Variants in ARFGEF1 observed in about 807,000 individuals in gnomAD.
ARFGEF1 encodes the protein ARF guanine nucleotide exchange factor 1.
Under a neutral mutation model 231.0 loss-of-function variants are expected in ARFGEF1, and 42 were observed. The observed-to-expected ratio is 0.18, with a 90% confidence interval of 0.14 to 0.24. The LOEUF (loss-of-function observed/expected upper bound fraction) is 0.24. Among genes scored for constraint, ARFGEF1 ranks in the 10% least tolerant of loss-of-function variants. The probability of loss-of-function intolerance (pLI) is 1.00; values close to 1 mark genes in which losing one functional copy is unlikely to be tolerated. For synonymous variants in ARFGEF1, 710 were observed against 732.3 expected (o/e 0.97, Z 0.49); for missense variants, 1,345 against 2,192.0 (o/e 0.61, Z 7.72).
At chr8:67,197,519 G>T, downstream of ARFGEF1, 2 of 653,626 alleles carry the variant, frequency 3.1e-6, no homozygotes, top group Non-Finnish European at 3.8e-6. Flanking sequence ...GTGTAAGGAG[G>T]ATCTAATGCT....
At chr8:67,193,139 G>GAGAT (rs1836874649), downstream of ARFGEF1, among the ~76,000 whole-genome samples, 3 of 150,712 alleles carry the variant, frequency 2.0e-5, no homozygotes, top group South Asian at 6.3e-4. Flanking sequence ...CTTTTTTTTT[G>GAGAT]AGATAGAGTC....
intron 28 of ARFGEF1, among the ~76,000 whole-genome samples, chr8:67,225,272 C>T (rs1035487211): frequency 6.6e-6 from 1 of 152,216 alleles, no homozygotes; most frequent in African/African-American, 2.4e-5. Context: ...GTTAGCTTCA[C>T]TTTCAACTGT....
At chr8:67,214,294 TA>T (rs535640235) in intron 33 of ARFGEF1, among the ~76,000 whole-genome samples, 188 of 152,322 alleles carry the variant, frequency 1.2e-3, no homozygotes, top group Non-Finnish European at 2.1e-3. Context: ...ATCCTTGTTG[TA>T]AAGTGGCAGA....
intron 29 of ARFGEF1, among the ~76,000 whole-genome samples, chr8:67,222,212 C>CACAT (rs1213028578): frequency 4.2e-5 from 5 of 117,896 alleles, no homozygotes; most frequent in African/African-American, 1.1e-4. Context: ...TATACACACA[C>CACAT]ATATATATAT....
At chr8:67,204,026 G>C (rs186426253) in intron 35 of ARFGEF1, among the ~76,000 whole-genome samples, 1 of 152,222 alleles carries the variant, frequency 6.6e-6, no homozygotes, top group African/African-American at 2.4e-5. Context: ...CTCCCTACTG[G>C]AAAGCTCTTA....
rs754321628 is a variant in ARFGEF1, at chr8:67,291,837, A to C, written c.916+10T>G. On this transcript the variant is annotated intron_variant, in intron 6 of 38. Transcript: ENST00000262215. ...ACACACACCCCAAACCCCCTTTTCA[A>C]GAAGATTACTTTCAGCTGCAGTTGC... 6.2e-7 allele frequency: 1 copy of C among 1,610,612 alleles called. No homozygotes were observed. Among genetic ancestry groups the C allele is most frequent in the Non-Finnish European group, 8.5e-7 (1 of 1,177,710 alleles).
rs1166630342 is a variant in ARFGEF1 at position 67,219,578 on chromosome 8, A to G, written c.4209-18T>C. 6.4e-7 allele frequency: 1 copy of G among 1,572,862 alleles called. No individual in the cohort carries two copies. Among genetic ancestry groups the G allele is most frequent in the Admixed American group, 1.9e-5 (1 of 53,468 alleles). On this transcript the variant is annotated intron_variant, in intron 29 of 38. Transcript: ENST00000262215. ...TTAAACCCCTAAAATGACAAAACAC[A>G]ATTAGAAAGCTGTAATACAAAAAAG...
intron 5 of ARFGEF1, among the ~76,000 whole-genome samples, chr8:67,187,221 C>G (rs1412497344): frequency 6.6e-6 from 1 of 152,142 alleles, no homozygotes; most frequent in Non-Finnish European, 1.5e-5. Context: ...CAAACTGATT[C>G]TAAAGTTCAT....
intron 1 of ARFGEF1, among the ~76,000 whole-genome samples, chr8:67,312,936 A>G (rs1158837795): frequency 6.6e-6 from 1 of 152,256 alleles, no homozygotes; most frequent in Non-Finnish European, 1.5e-5. Context: ...AAACTCCAGC[A>G]GAACAATCAA....
chr8:67,278,346 GTC>G (rs1278402443), intron 7 of ARFGEF1, among the ~76,000 whole-genome samples: 1 of 152,064 alleles, frequency 6.6e-6, no homozygotes, highest in East Asian at 1.9e-4. Context: ...AAATAATGAG[GTC>G]TATGAGGAAC....
At chr8:67,302,849 AG>A in intron 1 of ARFGEF1, among the ~76,000 whole-genome samples, 1 of 148,058 alleles carries the variant, frequency 6.8e-6, no homozygotes, top group South Asian at 2.2e-4. Context: ...CCAACGCAGG[AG>A]GATCACTTGA....
chr8:67,293,766 C>T (rs115840792), intron 5 of ARFGEF1, among the ~76,000 whole-genome samples: 4 of 152,094 alleles, frequency 2.6e-5, no homozygotes, highest in East Asian at 1.9e-4. Flanking sequence ...CCGGTGTGAC[C>T]GCTTCTGATT....
intron 5 of ARFGEF1, among the ~76,000 whole-genome samples, chr8:67,292,906 TA>T (rs1329636477): frequency 6.6e-6 from 1 of 152,182 alleles, no homozygotes; most frequent in Non-Finnish European, 1.5e-5. Context: ...GAACATTTCA[TA>T]TTCTCCAGTA....
intron 33 of ARFGEF1, among the ~76,000 whole-genome samples, chr8:67,213,095 G>C (rs1838807889): frequency 6.6e-6 from 1 of 152,180 alleles, no homozygotes; most frequent in Non-Finnish European, 1.5e-5. Flanking sequence ...GCACAACAGA[G>C]TCATGGAGCA....
Position 67,253,533 on chromosome 8 carries a change from G to A in ARFGEF1, c.2616C>T (p.Ala872=), listed in dbSNP as rs1470071604. The A allele has an allele frequency of 3.2e-6, 5 of 1,582,034 alleles. No individual in the cohort carries two copies. In the South Asian group the frequency reaches 5.6e-5, roughly 18 times the overall value. The part of the protein sequence containing the change: ...SKDLPEEYLS[A]IYNEIAGKKI... ...TTTTCCCAGCTATTTCATTATAGAT[G>A]GCTGATAGATACTCTTCAGGAAGGT... Residue 872 remains alanine (A), a synonymous_variant, in exon 18 of 39, where the codon GCC becomes GCT. Coordinates refer to ENST00000262215, the MANE Select transcript of ARFGEF1 (RefSeq NM_006421.5).
intron 10 of ARFGEF1, among the ~76,000 whole-genome samples, chr8:67,271,045 G>GAAAAAAAAAAA (rs1563878469): frequency 2.2e-4 from 15 of 69,636 alleles, no homozygotes; most frequent in East Asian, 7.6e-4. Context: ...AAAAAAAAAG[G>GAAAAAAAAAAA]AAAAAGAAAA....
intron 19 of ARFGEF1, 72 bp from the exon 20 acceptor site, chr8:67,240,362 C>T (rs1332109675): frequency 7.4e-6 from 10 of 1,344,942 alleles, no homozygotes; most frequent in Non-Finnish European, 1.0e-5. Flanking sequence ...ATCTTTTAGA[C>T]AATACAAGTT....
At chr8:67,193,668 G>T, downstream of ARFGEF1, 1 of 1,397,004 alleles carries the variant, frequency 7.2e-7, no homozygotes, top group East Asian at 2.3e-5. Flanking sequence ...TCTTACTCAA[G>T]GCTTTCACTA....
At chr8:67,263,910 A>C (rs780734838) in intron 14 of ARFGEF1, among the ~76,000 whole-genome samples, 2 of 152,192 alleles carry the variant, frequency 1.3e-5, no homozygotes, top group African/African-American at 4.8e-5. Context: ...AAGAACAATT[A>C]TATCTTTTAT....
Sources: allele counts gnomAD v4.1 joint callset (sites outside exome capture counted in the v4.1 genomes callset), GRCh38; gene constraint gnomAD v4.1.1; transcripts MANE v1.5; gene names NCBI Gene and HGNC (gene_info 2026-07-23, HGNC 2026-07-21).